Variants in AUTS2 observed in about 807,000 individuals in gnomAD.
AUTS2 encodes the protein autism susceptibility gene 2 protein.
A neutral mutation model predicts 112.4 loss-of-function variants in AUTS2; 17 were observed. That is an observed-to-expected ratio of 0.15 (90% CI 0.10 to 0.23). The LOEUF (loss-of-function observed/expected upper bound fraction) is 0.23, where lower values mean the gene tolerates loss of function less well. Ranked by LOEUF, AUTS2 falls within the 10% of genes least tolerant of loss-of-function variation. The pLI, the probability that AUTS2 is intolerant of heterozygous loss-of-function variation, is 1.00. For synonymous variants in AUTS2, 751 were observed against 702.7 expected (o/e 1.07, Z -1.09); for missense variants, 1,510 against 1,701.6 (o/e 0.89, Z 1.98).
chr7:69,754,030 A>T (rs1363152670), intron 1 of AUTS2, among the ~76,000 whole-genome samples: 1 of 152,214 alleles, frequency 6.6e-6, no homozygotes, highest in Non-Finnish European at 1.5e-5. Flanking sequence ...AGTGACCTTT[A>T]TGAAGGCAGA....
At chr7:70,255,733 TAGAA>T (rs1280959708) in intron 4 of AUTS2, among the ~76,000 whole-genome samples, 1 of 152,216 alleles carries the variant, frequency 6.6e-6, no homozygotes, top group Non-Finnish European at 1.5e-5. Flanking sequence ...AGCCAGCTTA[TAGAA>T]AGAGATAGAA....
chr7:70,494,306 T>C (rs1466993023), intron 5 of AUTS2, among the ~76,000 whole-genome samples: 2 of 152,154 alleles, frequency 1.3e-5, no homozygotes, highest in African/African-American at 2.4e-5. Flanking sequence ...CAAAACTACA[T>C]TTATTTTACA....
intron 4 of AUTS2, among the ~76,000 whole-genome samples, chr7:70,347,390 G>A (rs1340919423): frequency 6.6e-6 from 1 of 152,098 alleles, no homozygotes; most frequent in African/African-American, 2.4e-5. Context: ...CTGCTCTTGT[G>A]CCTCACTCAT....
intron 2 of AUTS2, among the ~76,000 whole-genome samples, chr7:70,042,668 T>C (rs755988374): frequency 2.0e-5 from 3 of 152,214 alleles, no homozygotes; most frequent in Non-Finnish European, 4.4e-5. Context: ...CACAATCTTA[T>C]TCTGGAACTT....
intron 5 of AUTS2, among the ~76,000 whole-genome samples, chr7:70,665,606 C>T (rs1308287561): frequency 6.6e-6 from 1 of 152,080 alleles, no homozygotes; most frequent in East Asian, 1.9e-4. Flanking sequence ...CAGGCAGAAA[C>T]ACAAATCTTT....
chr7:69,805,149 A>G (rs541568812), intron 1 of AUTS2, among the ~76,000 whole-genome samples: 17 of 152,346 alleles, frequency 1.1e-4, no homozygotes, highest in African/African-American at 3.1e-4. Flanking sequence ...TCTCAGCCCA[A>G]TGCCTTGTTG....
chr7:69,928,422 C>A (rs73429443), intron 2 of AUTS2, among the ~76,000 whole-genome samples: 3 of 152,300 alleles, frequency 2.0e-5, no homozygotes, highest in South Asian at 4.1e-4. Context: ...TGCCTCCTGC[C>A]GTGATCAACA....
chr7:70,518,499 G>A (rs113587934), intron 5 of AUTS2, among the ~76,000 whole-genome samples: 2,253 of 152,046 alleles, frequency 0.015, 61 homozygotes, highest in African/African-American at 0.051. Flanking sequence ...TGGCTAACAC[G>A]GTGAAACCCC....
intron 2 of AUTS2, among the ~76,000 whole-genome samples, chr7:69,910,124 C>T (rs1225123066): frequency 1.3e-5 from 2 of 152,116 alleles, no homozygotes; most frequent in South Asian, 2.1e-4. Flanking sequence ...ATCTGTATTT[C>T]TCAGATAAAC....
intron 1 of AUTS2, among the ~76,000 whole-genome samples, chr7:69,891,858 A>G (rs1340289878): frequency 7.8e-6 from 1 of 127,838 alleles, no homozygotes; most frequent in African/African-American, 3.0e-5. Flanking sequence ...CAGTGACACA[A>G]TCTCGGCTCA....
chr7:70,529,137 T>C (rs1421597410), intron 5 of AUTS2, among the ~76,000 whole-genome samples: 10 of 152,146 alleles, frequency 6.6e-5, no homozygotes, highest in Non-Finnish European at 1.3e-4. Flanking sequence ...GGGCAGACCC[T>C]TAAATGGAAA....
In AUTS2 at chr7:70,584,727, C is replaced by T. The variant is rs556577214; in HGVS notation, c.691-113842C>T. Among the ~76,000 whole-genome samples, 14 of 152,348 alleles carry T rather than the reference C, an allele frequency of 9.2e-5. No homozygotes were observed. In the East Asian group the frequency reaches 1.4e-3, roughly 15 times the overall value. ...ACCACAGGCCCCTGTTCCAGGGAGG[C>T]GAGTGCTGGCCTTGCTCTGAAGAAG... is the stretch of plus-strand genomic sequence containing the variant. On this transcript the variant is annotated intron_variant, in intron 5 of 18. Transcript: ENST00000342771.
At chr7:69,724,423 G>C (rs920415186) in intron 1 of AUTS2, among the ~76,000 whole-genome samples, 1 of 152,136 alleles carries the variant, frequency 6.6e-6, no homozygotes, top group Non-Finnish European at 1.5e-5. Context: ...GGACTTTTTA[G>C]GGAGTTGTCT....
chr7:69,924,144 G>T (rs1269105814), intron 2 of AUTS2, among the ~76,000 whole-genome samples: 2 of 150,016 alleles, frequency 1.3e-5, no homozygotes, highest in Non-Finnish European at 3.0e-5. Context: ...TTTTAATCAA[G>T]AATGCATGTT....
chr7:69,808,592 C>T (rs1790411251), intron 1 of AUTS2, among the ~76,000 whole-genome samples: 2 of 152,104 alleles, frequency 1.3e-5, no homozygotes, highest in African/African-American at 4.8e-5. Flanking sequence ...GCTCAGACTG[C>T]ATTTTATCTG....
At chr7:70,356,103 G>A (rs1417056292) in intron 4 of AUTS2, among the ~76,000 whole-genome samples, 1 of 152,188 alleles carries the variant, frequency 6.6e-6, no homozygotes, top group African/African-American at 2.4e-5. Context: ...TTTAATTAAT[G>A]TGCTCAGAAC....
chr7:69,975,915 T>G (rs1798041148), intron 2 of AUTS2, among the ~76,000 whole-genome samples: 1 of 152,184 alleles, frequency 6.6e-6, no homozygotes, highest in African/African-American at 2.4e-5. Flanking sequence ...CTTGAACTCC[T>G]GACCTCAGGT....
chr7:70,546,935 G>A (rs1358977215), intron 5 of AUTS2, among the ~76,000 whole-genome samples: 1 of 152,076 alleles, frequency 6.6e-6, no homozygotes, highest in Non-Finnish European at 1.5e-5. Context: ...TTGTTGTTTT[G>A]TGTGTTTGAT....
chr7:70,223,848 CTTTG>C (rs1811610736), intron 4 of AUTS2, among the ~76,000 whole-genome samples: 1 of 135,350 alleles, frequency 7.4e-6, no homozygotes, highest in Admixed American at 7.5e-5. Flanking sequence ...ATGTTTGTAT[CTTTG>C]TTTTTTTTTT....
Sources: allele counts gnomAD v4.1 joint callset (sites outside exome capture counted in the v4.1 genomes callset), GRCh38; gene constraint gnomAD v4.1.1; transcripts MANE v1.5; gene names NCBI Gene and HGNC (gene_info 2026-07-23, HGNC 2026-07-21).